The following GALNT13 variants were observed in gnomAD, a reference collection of about 807,000 sequenced individuals.
GALNT13 encodes the protein UDP-GalNAc:polypeptide N-acetylgalactosaminyltransferase 13.
Under a neutral mutation model 64.2 loss-of-function variants are expected in GALNT13, and 28 were observed. The observed-to-expected ratio is 0.44, with a 90% CI of 0.32 to 0.60. GALNT13 has a LOEUF of 0.60. GALNT13 is among the 20% of genes least tolerant of loss of function. The probability of loss-of-function intolerance (pLI) is 0.05; values close to 1 mark genes in which losing one functional copy is unlikely to be tolerated. For missense variants in GALNT13, 577 were observed against 669.8 expected (o/e 0.86, Z 1.53); for synonymous variants, 214 against 224.6 (o/e 0.95, Z 0.42).
chr2:154,022,630 T>C (rs957003392), intron 3 of GALNT13, among the ~76,000 whole-genome samples: 5 of 152,146 alleles, frequency 3.3e-5, no homozygotes, highest in Non-Finnish European at 5.9e-5. Context: ...ATTTTGTTGA[T>C]CTGTTCAAAA....
At chr2:153,690,589 A>G in the GALNT13 span, among the ~76,000 whole-genome samples, 1 of 152,162 alleles carries the variant, frequency 6.6e-6, no homozygotes. Context: ...TGATAGATTT[A>G]TAGACTAACT....
intron 3 of GALNT13, among the ~76,000 whole-genome samples, chr2:154,036,315 C>T (rs1006900525): frequency 6.6e-6 from 1 of 152,010 alleles, no homozygotes; most frequent in Non-Finnish European, 1.5e-5. Flanking sequence ...ATTCTAATTG[C>T]CTAGAACGTA....
chr2:153,124,304 G>A, the GALNT13 span, among the ~76,000 whole-genome samples: 6 of 152,346 alleles, frequency 3.9e-5, no homozygotes, highest in Non-Finnish European at 8.8e-5. Flanking sequence ...CGAGCTGTGT[G>A]TGGATTTCTA....
chr2:153,774,270 A>G, the GALNT13 span, among the ~76,000 whole-genome samples: 2 of 152,102 alleles, frequency 1.3e-5, no homozygotes, highest in Non-Finnish European at 2.9e-5. Context: ...CTTAGTAAAT[A>G]TTGCTAGATA....
At chr2:153,826,390 G>C in the GALNT13 span, among the ~76,000 whole-genome samples, 1 of 152,148 alleles carries the variant, frequency 6.6e-6, no homozygotes, top group Non-Finnish European at 1.5e-5. Flanking sequence ...AACACATCTT[G>C]AGTGCCTCAC....
chr2:153,722,086 AC>A, the GALNT13 span, among the ~76,000 whole-genome samples: 1 of 149,654 alleles, frequency 6.7e-6, no homozygotes, highest in Admixed American at 6.6e-5. Context: ...ATGTAAAAGA[AC>A]AGAAATTATA....
At chr2:153,335,067 A>AT in the GALNT13 span, among the ~76,000 whole-genome samples, 13 of 151,744 alleles carry the variant, frequency 8.6e-5, no homozygotes, top group Non-Finnish European at 1.8e-4. Context: ...CTTCTTCCTC[A>AT]TTTTTTCTTG....
At chr2:154,362,484 T>A (rs1477870607) in intron 9 of GALNT13, among the ~76,000 whole-genome samples, 1 of 152,084 alleles carries the variant, frequency 6.6e-6, no homozygotes, top group Non-Finnish European at 1.5e-5. Flanking sequence ...AGCAAGCCAG[T>A]TTAAACTATT....
the GALNT13 span, among the ~76,000 whole-genome samples, chr2:153,318,042 A>C: frequency 6.6e-5 from 10 of 152,158 alleles, no homozygotes; most frequent in Non-Finnish European, 1.5e-4. Flanking sequence ...TAAAAATAAA[A>C]GCTAAAATTT....
the GALNT13 span, among the ~76,000 whole-genome samples, chr2:153,237,532 G>A: frequency 2.0e-5 from 3 of 151,740 alleles, no homozygotes; most frequent in African/African-American, 7.3e-5. Flanking sequence ...CTATGAGTTC[G>A]ATTATTTTAA....
chr2:154,205,273 G>A (rs1422256039), intron 4 of GALNT13, among the ~76,000 whole-genome samples: 1 of 152,092 alleles, frequency 6.6e-6, no homozygotes, highest in African/African-American at 2.4e-5. Flanking sequence ...TTTACCTAAA[G>A]AAGCATTATC....
the GALNT13 span, among the ~76,000 whole-genome samples, chr2:153,455,424 A>G: frequency 6.6e-6 from 1 of 152,198 alleles, no homozygotes; most frequent in Non-Finnish European, 1.5e-5. Context: ...AAGGGAGCAC[A>G]TGAGCGAATG....
chr2:154,129,939 C>T (rs1162904264), intron 3 of GALNT13, among the ~76,000 whole-genome samples: 2 of 152,008 alleles, frequency 1.3e-5, no homozygotes, highest in Non-Finnish European at 2.9e-5. Context: ...AGGTTCCTAC[C>T]TCAAGCCATC....
chr2:153,675,864 CA>C, the GALNT13 span, among the ~76,000 whole-genome samples: 1 of 152,106 alleles, frequency 6.6e-6, no homozygotes, highest in Admixed American at 6.6e-5. Flanking sequence ...ATGGCTAAAG[CA>C]GTGCTAAGAG....
chr2:153,639,211 A>C, the GALNT13 span, among the ~76,000 whole-genome samples: 4 of 152,114 alleles, frequency 2.6e-5, no homozygotes, highest in South Asian at 8.3e-4. Flanking sequence ...GTTAGGTCCA[A>C]TGAAAAGGAG....
chr2:153,671,084 C>T, the GALNT13 span, among the ~76,000 whole-genome samples: 1 of 152,102 alleles, frequency 6.6e-6, no homozygotes, highest in Non-Finnish European at 1.5e-5. Flanking sequence ...ATTGGTGTAC[C>T]TGAAAGTGAC....
At chr2:153,633,055 G>A in the GALNT13 span, among the ~76,000 whole-genome samples, 3 of 151,860 alleles carry the variant, frequency 2.0e-5, no homozygotes, top group Admixed American at 2.0e-4. Context: ...GCCACCATAC[G>A]CAGCGCCATC....
At chr2:153,858,037 A>G in the GALNT13 span, among the ~76,000 whole-genome samples, 1 of 152,184 alleles carries the variant, frequency 6.6e-6, no homozygotes, top group African/African-American at 2.4e-5. Context: ...TATAAGTAAA[A>G]TCTATAGGAG....
chr2:154,162,078 G>T (rs1684764827), intron 4 of GALNT13, among the ~76,000 whole-genome samples: 1 of 152,066 alleles, frequency 6.6e-6, no homozygotes, highest in Non-Finnish European at 1.5e-5. Flanking sequence ...ACCGTGCCAG[G>T]CACAAGTGTA....
Sources: allele counts gnomAD v4.1 joint callset (sites outside exome capture counted in the v4.1 genomes callset), GRCh38; gene constraint gnomAD v4.1.1; transcripts MANE v1.5; gene names NCBI Gene and HGNC (gene_info 2026-07-23, HGNC 2026-07-21).